Variants in RUSC2 observed in about 807,000 individuals in gnomAD.
RUSC2 encodes the protein AP-4 complex accessory subunit RUSC2.
RUSC2 carries 34 observed loss-of-function variants against 122.2 expected under a neutral mutation model. The ratio of observed to expected loss-of-function variants is 0.28; its 90% CI spans 0.21 to 0.37. RUSC2 has a LOEUF of 0.37. RUSC2 is among the 10% of genes least tolerant of loss of function. The pLI is 1.00. For missense variants in RUSC2, 1,747 were observed against 1,952.4 expected (o/e 0.89, Z 1.98); for synonymous variants, 784 against 790.0 (o/e 0.99, Z 0.13).
At chr9:35,556,493 C>T in intron 5 of RUSC2, 45 bp downstream of exon 5, 1 of 1,540,192 alleles carries the variant, frequency 6.5e-7, no homozygotes, top group Non-Finnish European at 8.8e-7. Context: ...GCTGTCACTA[C>T]CTCCTCACAC....
Position 35,561,683 on chromosome 9 carries a change from G to A in RUSC2, c.*301G>A, listed in dbSNP as rs1822182045. 1 of 531,748 alleles carries A rather than the reference G, an allele frequency of 1.9e-6. No individual in the cohort carries two copies. The highest frequency in any genetic ancestry group is 1.9e-5 in the African/African-American group (1 of 52,946). 32.9% of individuals were successfully genotyped at this position (531,748 alleles called of 1,614,324 possible). A position where few individuals can be genotyped will look rare whatever the true frequency, so the allele number is the denominator to read the frequency against. ...GACAAGCAAGTCCCCCTGGAGGCGG[G>A]TGGCCCAGAAAGCCATCTACAGGGT... is the stretch of plus-strand genomic sequence containing the variant. On this transcript the variant is annotated 3_prime_UTR_variant, in exon 12 of 12. Transcript: ENST00000361226.
In RUSC2 at chr9:35,557,718, TAA is replaced by T. The variant is rs1406292208; in HGVS notation, c.2984-194_2984-193del. 6.6e-6 allele frequency among the ~76,000 whole-genome samples: 1 copy of T among 152,120 alleles called. No individual in the cohort carries two copies. Among genetic ancestry groups the T allele is most frequent in the Non-Finnish European group, 1.5e-5 (1 of 68,022 alleles). On this transcript the variant is annotated intron_variant, in intron 5 of 11. Coordinates refer to ENST00000361226, the MANE Select transcript of RUSC2 (RefSeq NM_014806.5). This position sits in a 1 kb window ranked among gnomAD's most constrained non-coding sequence, Gnocchi z 4.6. ...ACTGAGGTAGCTCCAGGCTGGGAAG[TAA>T]AGACAGGAAGAGCTTAAGAACTGGG...
At chr9:35,496,806 G>A (rs1482060259) in intron 1 of RUSC2, among the ~76,000 whole-genome samples, 1 of 152,120 alleles carries the variant, frequency 6.6e-6, no homozygotes, top group African/African-American at 2.4e-5. Flanking sequence ...ACAGATCCAT[G>A]CACTACATGG....
At chr9:35,503,073 G>T (rs144971063) in intron 1 of RUSC2, among the ~76,000 whole-genome samples, 2 of 152,198 alleles carry the variant, frequency 1.3e-5, no homozygotes, top group African/African-American at 4.8e-5. Flanking sequence ...TGTTGGCCAG[G>T]CTGGTCTCGA....
chr9:35,501,021 AAAAG>A (rs1209648289), intron 1 of RUSC2, among the ~76,000 whole-genome samples: 2 of 152,240 alleles, frequency 1.3e-5, no homozygotes, highest in African/African-American at 4.8e-5. Context: ...TATGAGGAAA[AAAAG>A]ACAGCTGTGG....
chr9:35,548,360 A>G lies in RUSC2; in HGVS notation c.1839A>G (p.Pro613=), dbSNP rs758165353. Residue 613 remains proline, a synonymous_variant, in exon 2 of 12, where the codon CCA becomes CCG. Transcript: ENST00000361226. The surrounding 1 kb of genome is among the most constrained non-coding windows in gnomAD (Gnocchi z 4.5). ...GCATGGACCTACTTGGCCCAGACCCAAGTCCACCCTGGTCCACCCAGGTCT... is the reference window on the plus strand; with the variant it reads ...GCATGGACCTACTTGGCCCAGACCCGAGTCCACCCTGGTCCACCCAGGTCT... ...GPGMDLLGPD[P]SPPWSTQVCQ... is the part of the protein sequence containing the mutation. The G allele has an allele frequency of 5.5e-5, 88 of 1,613,952 alleles. No homozygotes were observed. Among genetic ancestry groups the G allele is most frequent in the Non-Finnish European group, 7.1e-5 (84 of 1,180,026 alleles).
chr9:35,499,325 A>G (rs1820779294), intron 1 of RUSC2, among the ~76,000 whole-genome samples: 1 of 152,204 alleles, frequency 6.6e-6, no homozygotes, highest in South Asian at 2.1e-4. Context: ...GTCATCAAGA[A>G]AAGTTAAATT....
intron 1 of RUSC2, among the ~76,000 whole-genome samples, chr9:35,545,715 C>A (rs1480780906): frequency 6.6e-6 from 1 of 152,052 alleles, no homozygotes; most frequent in Admixed American, 6.6e-5. Context: ...GTCCCCCCAC[C>A]CCCATTGAGG....
chr9:35,554,068 C>T (rs1306243519), intron 2 of RUSC2, among the ~76,000 whole-genome samples: 4 of 152,208 alleles, frequency 2.6e-5, no homozygotes, highest in Non-Finnish European at 4.4e-5. Flanking sequence ...ATTCCCGCCT[C>T]GCAGAGCTAC....
chr9:35,490,888 G>C lies in RUSC2; in HGVS notation c.-93+716G>C, dbSNP rs571513796. Among the ~76,000 whole-genome samples the C allele has an allele frequency of 5.2e-4, 79 of 152,260 alleles. 1 individual carries two copies. Among genetic ancestry groups the C allele is most frequent in the African/African-American group, 1.9e-3 (78 of 41,558 alleles). On this transcript the variant is annotated intron_variant, in intron 1 of 11. Coordinates refer to ENST00000361226, the MANE Select transcript of RUSC2 (RefSeq NM_014806.5). The stretch of plus-strand genomic sequence containing the variant: ...GGGGAACTGTCCTGGGGGCAAGGAC[G>C]GTACACTACTCATCTTTGTATCCCC...
chr9:35,555,180 C>T lies in RUSC2; in HGVS notation c.2135C>T (p.Ala712Val), dbSNP rs1452431988. ...CCCAAGCAGCTGGCCAAGGCCCGGG[C>T]CCTCCACAGCCTTTCCCAGCTCTAC... ...HFPKQLAKAR[A>V]LHSLSQLYSL... The change falls in exon 3 of 12, where the codon GCC (alanine) becomes GTC (valine). Residue 712 changes from alanine (A) to valine (V), a missense_variant. Physicochemically the swap from Ala to Val is moderately conservative, Grantham distance 64. Coordinates refer to ENST00000361226, the MANE Select transcript of RUSC2 (RefSeq NM_014806.5). The surrounding 1 kb of genome is among the most constrained non-coding windows in gnomAD (Gnocchi z 4.6). The T allele has an allele frequency of 3.1e-6, 5 of 1,613,436 alleles. No homozygotes were observed. Among genetic ancestry groups the T allele is most frequent in the Non-Finnish European group, 4.2e-6 (5 of 1,180,018 alleles).
chr9:35,502,287 A>C (rs1049720531), intron 1 of RUSC2, among the ~76,000 whole-genome samples: 2 of 152,144 alleles, frequency 1.3e-5, no homozygotes, highest in Non-Finnish European at 2.9e-5. Context: ...GCTTTCCCCA[A>C]ACCCCACCCC....
chr9:35,541,265 T>C (rs1223092341), intron 1 of RUSC2, among the ~76,000 whole-genome samples: 1 of 151,996 alleles, frequency 6.6e-6, no homozygotes, highest in Non-Finnish European at 1.5e-5. Context: ...TCATCTTCCA[T>C]GTCTCTCCAT....
intron 1 of RUSC2, among the ~76,000 whole-genome samples, chr9:35,501,711 G>T (rs1049142649): frequency 2.0e-5 from 3 of 152,206 alleles, no homozygotes; most frequent in African/African-American, 7.2e-5. Flanking sequence ...GCCAACCATG[G>T]TTCGAGAGAC....
In RUSC2 at chr9:35,548,550, G is replaced by A. The variant is rs189487614; in HGVS notation, c.2014+15G>A. 1 of 1,588,024 alleles carries A rather than the reference G, an allele frequency of 6.3e-7. No individual in the cohort carries two copies. The highest frequency in any genetic ancestry group is 8.6e-7 in the Non-Finnish European group (1 of 1,168,836). ...TAGAGCTGACGGTAAGGAGCCTAAG[G>A]GTTAGCAAATATGTGGCTATTCACC... On this transcript the variant is annotated intron_variant, in intron 2 of 11. Transcript: ENST00000361226. The surrounding 1 kb of genome is among the most constrained non-coding windows in gnomAD (Gnocchi z 4.5).
chr9:35,546,392 G>A lies in RUSC2; in HGVS notation c.-92-38G>A. The A allele has an allele frequency of 3.5e-6, 2 of 571,284 alleles. No homozygotes were observed. Among genetic ancestry groups the A allele is most frequent in the Non-Finnish European group, 2.7e-6 (1 of 371,496 alleles). 35.4% of individuals were successfully genotyped at this position (571,284 alleles called of 1,614,324 possible). A position where few individuals can be genotyped will look rare whatever the true frequency, so the allele number is the denominator to read the frequency against. On this transcript the variant is annotated intron_variant, in intron 1 of 11. Transcript: ENST00000361226. The surrounding 1 kb of genome is among the most constrained non-coding windows in gnomAD (Gnocchi z 4.3). ...AGGGCATGCCCCTGACTTCCAGGGA[G>A]GTGACATTAGGTTCCCTTTCTTTCC...
intron 1 of RUSC2, among the ~76,000 whole-genome samples, chr9:35,494,920 A>G: frequency 7.5e-6 from 1 of 133,062 alleles, no homozygotes; most frequent in East Asian, 2.0e-4. Context: ...TATATTATAC[A>G]TATTATATAA....
Position 35,558,650 on chromosome 9 carries a change from G to A in RUSC2, c.3341+83G>A, listed in dbSNP as rs1048899937. ...GCTCTGCCTGCACCAAGGAAACAAC[G>A]CCCTGGACAGACAGAAAGGGTGGAT... On this transcript the variant is annotated intron_variant, in intron 8 of 11. Coordinates refer to ENST00000361226, the MANE Select transcript of RUSC2 (RefSeq NM_014806.5). The surrounding 1 kb of genome is among the most constrained non-coding windows in gnomAD (Gnocchi z 4.3). 28 of 1,142,072 alleles carry A rather than the reference G, an allele frequency of 2.5e-5. No individual in the cohort carries two copies. In the Middle Eastern group the frequency reaches 9.8e-4, roughly 40 times the overall value. The allele number at this position is 1,142,072 out of a possible 1,614,324, so 70.7% of individuals were successfully genotyped here. A position where few individuals can be genotyped will look rare whatever the true frequency, so the allele number is the denominator to read the frequency against.
Position 35,559,256 on chromosome 9 carries a change from C to A in RUSC2, c.3372C>A (p.His1124Gln). 1 of 1,613,436 alleles carries A rather than the reference C, an allele frequency of 6.2e-7. No individual in the cohort carries two copies. Among genetic ancestry groups the A allele is most frequent in the Non-Finnish European group, 8.5e-7 (1 of 1,179,356 alleles). ...NIRSLEFWFN[H>Q]LYNHEDIIQT... is the part of the protein sequence containing the mutation. ...GGTCCCTGGAGTTCTGGTTTAATCA[C>A]CTCTATAACCACGAAGGTAATGCCT... Residue 1124 changes from histidine to glutamine, a missense_variant, in exon 9 of 12, where the codon CAC becomes CAA. By Grantham distance (24) the His-to-Gln change is conservative. Transcript: ENST00000361226.
Sources: gnomAD v4.1 joint callset for allele counts (sites outside exome capture counted in the v4.1 genomes callset) on GRCh38, gnomAD v4.1.1 for gene constraint, Gnocchi (gnomAD v3.1) non-coding constraint, MANE v1.5 for transcripts, NCBI Gene and HGNC (gene_info 2026-07-23, HGNC 2026-07-21) for gene names.